The following SULT1E1 variants were observed in gnomAD, a reference collection of about 807,000 sequenced individuals.
SULT1E1 encodes sulfotransferase family 1E member 1, also known as sulfotransferase 1E1.
SULT1E1 carries 36 observed loss-of-function variants against 33.6 expected under a neutral mutation model. That is an observed-to-expected ratio of 1.07 (90% CI 0.82 to 1.41). The LOEUF (loss-of-function observed/expected upper bound fraction) is 1.41. Among genes scored for constraint, SULT1E1 ranks in the 40% most tolerant of loss-of-function variants. SULT1E1 has a pLI of 0.00. For synonymous variants in SULT1E1, 121 were observed against 111.7 expected, an observed-to-expected ratio of 1.08 and a Z score of -0.53; for missense variants, 371 against 345.7, an observed-to-expected ratio of 1.07 and a Z score of -0.58.
the SULT1E1 span, among the ~76,000 whole-genome samples, chr4:69,822,371 C>T: frequency 1.3e-5 from 2 of 152,048 alleles, no homozygotes; most frequent in Non-Finnish European, 2.9e-5. Flanking sequence ...CTTTTGGAGG[C>T]CAAGGCAGGA....
chr4:69,824,070 T>G, the SULT1E1 span, among the ~76,000 whole-genome samples: 2,323 of 152,274 alleles, frequency 0.015, 58 homozygotes, highest in African/African-American at 0.053. Flanking sequence ...TCAGGGATTT[T>G]CATATAAGAG....
chr4:69,834,802 A>G, the SULT1E1 span, among the ~76,000 whole-genome samples: 1 of 152,226 alleles, frequency 6.6e-6, no homozygotes, highest in South Asian at 2.1e-4. Context: ...GGATCATAAA[A>G]TTTACGTAAA....
At chr4:69,828,285 T>C in the SULT1E1 span, among the ~76,000 whole-genome samples, 1 of 152,192 alleles carries the variant, frequency 6.6e-6, no homozygotes, top group African/African-American at 2.4e-5. Flanking sequence ...CTTTCGCTCT[T>C]CACAATAAAT....
chr4:69,857,741 T>C (rs936736407), intron 1 of SULT1E1, 88 bp from the exon 2 acceptor site: 34 of 1,208,980 alleles, frequency 2.8e-5, no homozygotes, highest in Middle Eastern at 6.0e-4. Flanking sequence ...CCCTCCTACA[T>C]ACCTAGCACT....
the SULT1E1 span, among the ~76,000 whole-genome samples, chr4:69,835,390 A>G: frequency 1.1e-4 from 17 of 152,318 alleles, no homozygotes; most frequent in African/African-American, 4.1e-4. Context: ...AGCACTTAAC[A>G]CTTTGTCACC....
At chr4:69,826,878 C>T in the SULT1E1 span, among the ~76,000 whole-genome samples, 1 of 152,098 alleles carries the variant, frequency 6.6e-6, no homozygotes, top group East Asian at 1.9e-4. Context: ...ACAGGAGGAC[C>T]TCTCAGCTTA....
chr4:69,827,186 T>C, the SULT1E1 span, among the ~76,000 whole-genome samples: 1 of 152,182 alleles, frequency 6.6e-6, no homozygotes, highest in Non-Finnish European at 1.5e-5. Context: ...CTATCTCACT[T>C]GGAGAGATGT....
intron 1 of SULT1E1, among the ~76,000 whole-genome samples, chr4:69,859,831 A>G (rs1031550300): frequency 2.0e-5 from 3 of 152,150 alleles, no homozygotes; most frequent in African/African-American, 7.2e-5. Flanking sequence ...CATTAAAGCA[A>G]TAAGCAACAA....
At chr4:69,831,840 C>G in the SULT1E1 span, among the ~76,000 whole-genome samples, 19 of 152,260 alleles carry the variant, frequency 1.2e-4, no homozygotes, top group East Asian at 5.8e-4. Flanking sequence ...GGTCCCACAC[C>G]GCTCGGAGCA....
intron 5 of SULT1E1, 23 bp downstream of exon 5, chr4:69,849,414 C>G (rs765445624): frequency 8.1e-6 from 13 of 1,598,998 alleles, no homozygotes; most frequent in African/African-American, 1.3e-5. Context: ...AAAAAAAATT[C>G]AGTGTAAAGA....
At chr4:69,822,529 T>A in the SULT1E1 span, among the ~76,000 whole-genome samples, 1 of 152,190 alleles carries the variant, frequency 6.6e-6, no homozygotes, top group South Asian at 2.1e-4. Flanking sequence ...GGTGGGAAGA[T>A]CATTTGAGCG....
At chr4:69,842,992 A>G (rs1286998677) in intron 7 of SULT1E1, among the ~76,000 whole-genome samples, 2 of 151,888 alleles carry the variant, frequency 1.3e-5, no homozygotes, top group Admixed American at 6.6e-5. Flanking sequence ...GCCCGCCACC[A>G]TGCCTGGCTA....
At chr4:69,858,568 T>C (rs1721300078) in intron 1 of SULT1E1, among the ~76,000 whole-genome samples, 1 of 152,116 alleles carries the variant, frequency 6.6e-6, no homozygotes, top group Non-Finnish European at 1.5e-5. Context: ...TAGATCTTCC[T>C]CCTGTTCACA....
the SULT1E1 span, among the ~76,000 whole-genome samples, chr4:69,834,486 C>G: frequency 1.3e-5 from 2 of 152,148 alleles, no homozygotes; most frequent in Non-Finnish European, 2.9e-5. Context: ...TTGCCCACTT[C>G]TTATATTCAG....
intron 3 of SULT1E1, among the ~76,000 whole-genome samples, 196 bp downstream of exon 3, chr4:69,855,105 A>G (rs995379036): frequency 6.6e-6 from 1 of 152,038 alleles, no homozygotes; most frequent in African/African-American, 2.4e-5. Flanking sequence ...TATTCACTCT[A>G]TTCCAGACAT....
chr4:69,826,493 G>A, the SULT1E1 span, among the ~76,000 whole-genome samples: 3 of 152,016 alleles, frequency 2.0e-5, no homozygotes, highest in South Asian at 2.1e-4. Context: ...CGATCAGCAG[G>A]GTCCAGGGAC....
intron 1 of SULT1E1, among the ~76,000 whole-genome samples, chr4:69,858,306 C>T (rs1033280164): frequency 6.6e-6 from 1 of 152,068 alleles, no homozygotes; most frequent in Non-Finnish European, 1.5e-5. Context: ...GTAGTGGATA[C>T]TCCCATTGAA....
chr4:69,831,639 CA>C, the SULT1E1 span, among the ~76,000 whole-genome samples: 5 of 152,308 alleles, frequency 3.3e-5, no homozygotes, highest in South Asian at 1.0e-3. Flanking sequence ...GAGTGGGTTT[CA>C]ACAACTGTCC....
At chr4:69,826,217 G>C in the SULT1E1 span, among the ~76,000 whole-genome samples, 1 of 152,032 alleles carries the variant, frequency 6.6e-6, no homozygotes, top group Non-Finnish European at 1.5e-5. Context: ...TTCATTCTGG[G>C]GACATAACAT....
Sources: gnomAD v4.1 joint callset for allele counts (sites outside exome capture counted in the v4.1 genomes callset) on GRCh38, gnomAD v4.1.1 for gene constraint, MANE v1.5 for transcripts, NCBI Gene and HGNC (gene_info 2026-07-23, HGNC 2026-07-21) for gene names.